FBRS: variants seen among roughly 807,000 people sequenced by gnomAD.
The protein encoded by FBRS is fibrosin.
Under a neutral mutation model 86.1 loss-of-function variants are expected in FBRS, and 15 were observed. The observed-to-expected ratio is 0.17, with a 90% CI of 0.12 to 0.27. The LOEUF is 0.27. Among genes scored for constraint, FBRS ranks in the 10% least tolerant of loss-of-function variants. The probability of loss-of-function intolerance (pLI) is 1.00; values close to 1 mark genes in which losing one functional copy is unlikely to be tolerated. For synonymous variants in FBRS, 666 were observed against 575.8 expected (o/e 1.16, Z -2.24); for missense variants, 1,367 against 1,301.6 (o/e 1.05, Z -0.77).
chr16:30,667,556 G>T lies in FBRS; in HGVS notation c.2008G>T (p.Ala670Ser). The change falls in exon 15 of 18, where the codon GCA becomes TCA. Residue 670 changes from alanine (A) to serine (S), a missense_variant. Physicochemically the swap from Ala to Ser is moderately conservative, Grantham distance 99. Coordinates refer to ENST00000356166, the MANE Select transcript of FBRS (RefSeq NM_001105079.3). ...LFTATGAVHA[A>S]ANPFTAAPGA... ...CTCTGCCCCAGGTGCCGTCCACGCTGCAGCCAACCCTTTCACGGCAGCTCC... is the reference window on the plus strand; with the variant it reads ...CTCTGCCCCAGGTGCCGTCCACGCTTCAGCCAACCCTTTCACGGCAGCTCC... 6.5e-7 allele frequency: 1 copy of T among 1,541,314 alleles called. No individual in the cohort carries two copies. The highest frequency in any genetic ancestry group is 8.8e-7 in the Non-Finnish European group (1 of 1,142,182).
rs1293154280 is a variant in FBRS, at chr16:30,658,710, C to A, written c.-809C>A. 7 of 152,264 alleles carry A rather than the reference C, an allele frequency of 4.6e-5. No homozygotes were observed. The highest frequency in any genetic ancestry group is 4.6e-4 in the Admixed American group (7 of 15,282). 9.4% of individuals were successfully genotyped at this position (152,264 alleles called of 1,614,324 possible). A position where few individuals can be genotyped will look rare whatever the true frequency, so the allele number is the denominator to read the frequency against. ...GGCCTCGCTGCCCCGCCCCGCCTCG[C>A]GCCTTTCATGGCGACCGGAGGCGGA... On this transcript the variant is annotated 5_prime_UTR_variant, in exon 1 of 18. Coordinates refer to ENST00000356166, the MANE Select transcript of FBRS (RefSeq NM_001105079.3).
In FBRS at chr16:30,665,478, C is replaced by T. The variant is rs764268295; in HGVS notation, c.1704+77C>T. ...ACACGCCGGGTCCAAGCACCCTTCT[C>T]CCATTCCCCAAAGTCGTGCCCATCC... On this transcript the variant is annotated intron_variant, in intron 10 of 17. Transcript: ENST00000356166. This position sits in a 1 kb window ranked among gnomAD's most constrained non-coding sequence, Gnocchi z 4.1. 20 of 1,458,598 alleles carry T rather than the reference C, an allele frequency of 1.4e-5. No individual in the cohort carries two copies. In the African/African-American group the frequency reaches 2.7e-4, roughly 19 times the overall value. 90.4% of individuals were successfully genotyped at this position (1,458,598 alleles called of 1,614,324 possible).
chr16:30,661,262 C>T, intron 3 of FBRS, 42 bp from the exon 4 acceptor site: 1 of 1,550,892 alleles, frequency 6.4e-7, no homozygotes, highest in Non-Finnish European at 8.7e-7. Context: ...CCACCCTGGG[C>T]CTCTTCCCTC....
chr16:30,660,168 C>T, intron 1 of FBRS, 95 bp from the exon 2 acceptor site: 1 of 1,410,618 alleles, frequency 7.1e-7, no homozygotes, highest in Non-Finnish European at 9.3e-7. Flanking sequence ...ACCCGGTTTC[C>T]CGGCCCGAGG....
rs78335189 is a variant in FBRS, at chr16:30,662,261, G to A, written c.706-159G>A. On this transcript the variant is annotated intron_variant, in intron 4 of 17. Transcript: ENST00000356166. ...CCACTCTGCTTTTTCTCCAAGCTCA[G>A]CCCCCTAGAGCCCAGTCTTTGATGG... 5.1e-3 allele frequency: 5,776 copies of A among 1,122,552 alleles called. 27 individuals carry two copies. Among genetic ancestry groups the A allele is most frequent in the Non-Finnish European group, 6.8e-3 (5,430 of 800,558 alleles). 69.5% of individuals were successfully genotyped at this position (1,122,552 alleles called of 1,614,324 possible). A position where few individuals can be genotyped will look rare whatever the true frequency, so the allele number is the denominator to read the frequency against.
intron 15 of FBRS, chr16:30,667,872 G>A (rs1239921647): frequency 2.9e-5 from 12 of 419,836 alleles, no homozygotes; most frequent in African/African-American, 1.6e-4. Context: ...GGGGCAGTAC[G>A]CCACCTGGAA....
chr16:30,660,182 ACTTCGGCAAC>A, intron 1 of FBRS, 71 bp from the exon 2 acceptor site: 1 of 1,412,032 alleles, frequency 7.1e-7, no homozygotes, highest in Non-Finnish European at 9.3e-7. Context: ...CCCGAGGGGT[ACTTCGGCAAC>A]CTGGTCACCC....
Position 30,659,308 on chromosome 16 carries a change from G to A in FBRS, c.-211G>A. ...TCGCGGCCCCGCCGAGCCCGCAGGGGGGGCCCTCGGGCTTGTCGCCCCGGG... is the reference window on the plus strand; with the variant it reads ...TCGCGGCCCCGCCGAGCCCGCAGGGAGGGCCCTCGGGCTTGTCGCCCCGGG... On this transcript the variant is annotated 5_prime_UTR_variant, in exon 1 of 18. Coordinates refer to ENST00000356166, the MANE Select transcript of FBRS (RefSeq NM_001105079.3). The A allele has an allele frequency of 5.4e-6, 1 of 185,074 alleles. No homozygotes were observed. The allele number at this position is 185,074 out of a possible 1,614,324, so 11.5% of individuals were successfully genotyped here.
At chr16:30,663,140 T>A in intron 6 of FBRS, 1 of 423,632 alleles carries the variant, frequency 2.4e-6, no homozygotes, top group Non-Finnish European at 3.8e-6. Context: ...GGAACATACT[T>A]TGGGAAATGC....
Position 30,669,204 on chromosome 16 carries a change from C to T in FBRS, c.2502C>T (p.Ala834=), listed in dbSNP as rs1002885993. The T allele has an allele frequency of 6.7e-5, 103 of 1,544,270 alleles. No homozygotes were observed. Among genetic ancestry groups the T allele is most frequent in the Middle Eastern group, 3.3e-4 (2 of 5,974 alleles). Residue 834 remains alanine, a synonymous_variant, in exon 18 of 18, where the codon GCC becomes GCT. Coordinates refer to ENST00000356166, the MANE Select transcript of FBRS (RefSeq NM_001105079.3). The surrounding 1 kb of genome is among the most constrained non-coding windows in gnomAD (Gnocchi z 5.9). The stretch of plus-strand genomic sequence containing the variant: ...AGCGGAAGGAGGAGGCTGCCGCCGC[C>T]GCTGCCGCTGCTGCTGCCGCCGCCG... ...KEERKEEAAA[A]AAAAAAAAAA...
intron 15 of FBRS, 35 bp from the exon 16 acceptor site, chr16:30,668,525 C>T (rs774649850): frequency 1.3e-6 from 2 of 1,580,936 alleles, no homozygotes; most frequent in Non-Finnish European, 1.7e-6. Flanking sequence ...GCACCGGCTG[C>T]CCAGTGCTCT....
Position 30,659,529 on chromosome 16 carries a change from C to T in FBRS, c.11C>T (p.Ala4Val), listed in dbSNP as rs978659403. 8 of 302,730 alleles carry T rather than the reference C, an allele frequency of 2.6e-5. No individual in the cohort carries two copies. The highest frequency in any genetic ancestry group is 4.4e-5 in the African/African-American group (2 of 45,104). The allele number at this position is 302,730 out of a possible 1,614,324, so 18.8% of individuals were successfully genotyped here. A position where few individuals can be genotyped will look rare whatever the true frequency, so the allele number is the denominator to read the frequency against. ...CTGAGGGCGGTCGCCATGGAGACGG[C>T]AGCGGCCGCGGCCCCGGGTCCGGGC... The part of the protein sequence containing the change: MET[A>V]AAAAPGPGWA... Residue 4 changes from alanine to valine, a missense_variant, in exon 1 of 18, where the codon GCA becomes GTA. Around this residue, in one of 3 missense-constraint regions of FBRS, gnomAD observed 702 missense variants for 598.7 expected, o/e 1.17. Transcript: ENST00000356166.
Position 30,658,522 on chromosome 16 carries a change from A to G in FBRS, c.-997A>G, listed in dbSNP as rs1343986894. The G allele has an allele frequency of 6.6e-6, 1 of 152,578 alleles. No homozygotes were observed. Among genetic ancestry groups the G allele is most frequent in the Non-Finnish European group, 1.5e-5 (1 of 68,266 alleles). 9.5% of individuals were successfully genotyped at this position (152,578 alleles called of 1,614,324 possible). On this transcript the variant is annotated 5_prime_UTR_variant, in exon 1 of 18. Coordinates refer to ENST00000356166, the MANE Select transcript of FBRS (RefSeq NM_001105079.3). The stretch of plus-strand genomic sequence containing the variant: ...GCGCCCTAAGACTCCAAAGGAGACA[A>G]CAGGAGTTTGTGCTGGAGCTCCCCC...
rs868061953 is a variant in FBRS at position 30,665,734 on chromosome 16, G to A, written c.1773+28G>A. ...GAGGGGGCCAGGGCAGGTCCTGGGG[G>A]AGCTGGAAGGTGTGTTGCGGGGAGA... On this transcript the variant is annotated intron_variant, in intron 11 of 17. Coordinates refer to ENST00000356166, the MANE Select transcript of FBRS (RefSeq NM_001105079.3). The surrounding 1 kb of genome is among the most constrained non-coding windows in gnomAD (Gnocchi z 4.1). The A allele has an allele frequency of 2.6e-6, 4 of 1,559,516 alleles. No homozygotes were observed. The highest frequency in any genetic ancestry group is 2.6e-6 in the Non-Finnish European group (3 of 1,150,342).
chr16:30,660,025 C>T, intron 1 of FBRS, 48 bp downstream of exon 1: 1 of 1,533,630 alleles, frequency 6.5e-7, no homozygotes, highest in Non-Finnish European at 8.8e-7. Flanking sequence ...CGAGGGGCAG[C>T]AAGGAGGGGG....
chr16:30,660,378 G>T lies in FBRS; in HGVS notation c.575G>T (p.Arg192Leu), dbSNP rs911146894. ...ATGEPGDSSD[R>L]EPGRPPGDRA... ...GGGGAGCCAGGGGACAGCTCTGATC[G>T]AGAGCCTGGCCGGCCCCCTGGGGAT... Residue 192 changes from arginine to leucine, a missense_variant, in exon 2 of 18, where the codon CGA (arginine) becomes CTA (leucine). Arg to Leu is a moderately radical substitution (Grantham distance 102). This residue lies in a region of FBRS where 702 missense variants were observed against 598.7 expected (regional missense o/e 1.17). Coordinates refer to ENST00000356166, the MANE Select transcript of FBRS (RefSeq NM_001105079.3). 3.9e-6 allele frequency: 5 copies of T among 1,266,456 alleles called. No homozygotes were observed. The highest frequency in any genetic ancestry group is 5.0e-6 in the Non-Finnish European group (5 of 996,668). 78.5% of individuals were successfully genotyped at this position (1,266,456 alleles called of 1,614,324 possible).
intron 6 of FBRS, 58 bp from the exon 7 acceptor site, chr16:30,664,157 C>G: frequency 7.7e-7 from 1 of 1,296,292 alleles, no homozygotes; most frequent in Non-Finnish European, 9.9e-7. Flanking sequence ...TTCTGACCCC[C>G]TCCCGTCAGA....
At position 30,669,299 on chromosome 16, in the gene FBRS, C is replaced by A. The variant is rs767065353; in HGVS notation, c.2597C>A (p.Pro866Gln). The change falls in exon 18 of 18, where the codon CCG becomes CAG. Residue 866 changes from proline to glutamine, a missense_variant. By Grantham distance (76) the Pro-to-Gln change is moderately conservative. This residue lies in a region of FBRS where 659 missense variants were observed against 678.8 expected (regional missense o/e 0.97). Coordinates refer to ENST00000356166, the MANE Select transcript of FBRS (RefSeq NM_001105079.3). The surrounding 1 kb of genome is among the most constrained non-coding windows in gnomAD (Gnocchi z 5.9). ...CTGTTTGAGAGGCCCCGGCCGCCCC[C>A]GTTTCTGGGCCCTAGCCCACCAGAT... ...HLLFERPRPP[P>Q]FLGPSPPDRC... is the part of the protein sequence containing the mutation. 1.3e-6 allele frequency: 2 copies of A among 1,597,054 alleles called. No individual in the cohort carries two copies. The highest frequency in any genetic ancestry group is 2.7e-5 in the African/African-American group (2 of 74,444).
Position 30,665,449 on chromosome 16 carries a change from C to G in FBRS, c.1704+48C>G. 6.6e-7 allele frequency: 1 copy of G among 1,520,906 alleles called. No individual in the cohort carries two copies. The highest frequency in any genetic ancestry group is 8.9e-7 in the Non-Finnish European group (1 of 1,119,132). The allele number at this position is 1,520,906 out of a possible 1,614,324, so 94.2% of individuals were successfully genotyped here. On this transcript the variant is annotated intron_variant, in intron 10 of 17. Coordinates refer to ENST00000356166, the MANE Select transcript of FBRS (RefSeq NM_001105079.3). The surrounding 1 kb of genome is among the most constrained non-coding windows in gnomAD (Gnocchi z 4.1). ...ACCACCGCCTACCATCTTGACAAAC[C>G]CAGACACGCCGGGTCCAAGCACCCT... is the stretch of plus-strand genomic sequence containing the variant.
Sources: gnomAD v4.1 joint callset for allele counts on GRCh38, gnomAD v4.1.1 for gene constraint, gnomAD v4.1.1 regional missense constraint, Gnocchi (gnomAD v3.1) non-coding constraint, MANE v1.5 for transcripts, NCBI Gene and HGNC (gene_info 2026-07-23, HGNC 2026-07-21) for gene names.